Variants in SLC22A23 observed in about 807,000 individuals in gnomAD.
SLC22A23 encodes solute carrier family 22 member 23, also known as ion transporter protein.
Under a neutral mutation model 61.0 loss-of-function variants are expected in SLC22A23, and 26 were observed. That is an observed-to-expected ratio of 0.43 (90% CI 0.31 to 0.59). SLC22A23 has a LOEUF of 0.59. Among genes scored for constraint, SLC22A23 ranks in the 20% least tolerant of loss-of-function variants. The pLI, the probability that SLC22A23 is intolerant of heterozygous loss-of-function variation, is 0.11. For missense variants in SLC22A23, 796 were observed against 934.7 expected (o/e 0.85, Z 1.94); for synonymous variants, 430 against 413.9 (o/e 1.04, Z -0.47).
chr6:3,314,966 C>T (rs1189969200), intron 4 of SLC22A23, among the ~76,000 whole-genome samples: 1 of 152,160 alleles, frequency 6.6e-6, no homozygotes, highest in Non-Finnish European at 1.5e-5. Context: ...TGCTTATTAT[C>T]GTCTTATTGC....
intron 3 of SLC22A23, among the ~76,000 whole-genome samples, chr6:3,350,436 T>A (rs1460515305): frequency 6.6e-6 from 1 of 152,362 alleles, no homozygotes; most frequent in African/African-American, 2.4e-5. Flanking sequence ...GTGAAGTTTA[T>A]GTGAAATTGA....
intron 3 of SLC22A23, among the ~76,000 whole-genome samples, chr6:3,381,953 G>A (rs1246892180): frequency 6.6e-6 from 1 of 152,080 alleles, no homozygotes; most frequent in Admixed American, 6.5e-5. Flanking sequence ...TCTGCCCCAG[G>A]CCCATGCTCT....
At chr6:3,452,560 C>T (rs1772200750) in intron 1 of SLC22A23, among the ~76,000 whole-genome samples, 1 of 129,526 alleles carries the variant, frequency 7.7e-6, no homozygotes, top group Non-Finnish European at 1.5e-5. Context: ...GATATCGTAC[C>T]ACTGGACTCC....
intron 4 of SLC22A23, 37 bp from the exon 5 acceptor site, chr6:3,298,255 G>A (rs373918337): frequency 1.7e-4 from 266 of 1,569,866 alleles, no homozygotes; most frequent in Admixed American, 2.7e-4. Context: ...AATGTCTTCC[G>A]ATTCTGCACG....
chr6:3,415,940 C>T, intron 1 of SLC22A23, 85 bp from the exon 2 acceptor site: 1 of 952,812 alleles, frequency 1.0e-6, no homozygotes, highest in Non-Finnish European at 1.6e-6. Context: ...TACAATAACC[C>T]TGCAGGGACC....
chr6:3,381,147 G>A (rs1766926257), intron 3 of SLC22A23, among the ~76,000 whole-genome samples: 1 of 152,128 alleles, frequency 6.6e-6, no homozygotes, highest in African/African-American at 2.4e-5. Context: ...TCCTTCATCA[G>A]AGCCCGAGAA....
In SLC22A23 at chr6:3,327,397, A is replaced by G. The variant is rs924200438; in HGVS notation, c.914-3395T>C. Reference sequence around the variant, plus strand: ...AAATCCTTTTAGTAGATTTTCATTCATGGGCAGCCAGACTCTCCCTGATTA... The same window carrying G: ...AAATCCTTTTAGTAGATTTTCATTCGTGGGCAGCCAGACTCTCCCTGATTA... On this transcript the variant is annotated intron_variant, in intron 3 of 9. Coordinates refer to ENST00000406686, the MANE Select transcript of SLC22A23 (RefSeq NM_015482.2). The surrounding 1 kb of genome is among the most constrained non-coding windows in gnomAD (Gnocchi z 4.1). 6.6e-6 allele frequency among the ~76,000 whole-genome samples: 1 copy of G among 152,258 alleles called. No individual in the cohort carries two copies. Among genetic ancestry groups the G allele is most frequent in the Non-Finnish European group, 1.5e-5 (1 of 68,040 alleles).
chr6:3,446,060 G>A (rs2127555631), intron 1 of SLC22A23, among the ~76,000 whole-genome samples: 1 of 152,304 alleles, frequency 6.6e-6, no homozygotes, highest in Non-Finnish European at 1.5e-5. Context: ...GAGGTGTTCT[G>A]CGGAAGTCCA....
intron 3 of SLC22A23, among the ~76,000 whole-genome samples, chr6:3,383,457 T>C (rs190057644): frequency 6.3e-4 from 96 of 152,310 alleles, no homozygotes; most frequent in Non-Finnish European, 1.1e-3. Context: ...ATATATCTTA[T>C]TAGTATTTTT....
At chr6:3,296,162 G>C (rs368912981) in intron 5 of SLC22A23, among the ~76,000 whole-genome samples, 13 of 152,220 alleles carry the variant, frequency 8.5e-5, no homozygotes, top group African/African-American at 2.9e-4. Context: ...CTGCTAACGA[G>C]TGAGGTCTGG....
At chr6:3,298,264 C>T (rs368370815) in intron 4 of SLC22A23, 46 bp from the exon 5 acceptor site, 67 of 1,562,258 alleles carry the variant, frequency 4.3e-5, no homozygotes, top group Non-Finnish European at 5.6e-5. Context: ...CGATTCTGCA[C>T]GGCACCGGGA....
chr6:3,325,945 T>C (rs1278850510), intron 3 of SLC22A23, among the ~76,000 whole-genome samples: 1 of 152,266 alleles, frequency 6.6e-6, no homozygotes, highest in Non-Finnish European at 1.5e-5. Context: ...TATTGCTTGC[T>C]GTTTTTCTCT....
Position 3,354,292 on chromosome 6 carries a change from A to G in SLC22A23, c.914-30290T>C, listed in dbSNP as rs555712882. Among the ~76,000 whole-genome samples the G allele has an allele frequency of 2.0e-5, 3 of 152,296 alleles. No individual in the cohort carries two copies. The East Asian group carries it at 5.8e-4, about 29-fold the overall frequency. On this transcript the variant is annotated intron_variant, in intron 3 of 9. Coordinates refer to ENST00000406686, the MANE Select transcript of SLC22A23 (RefSeq NM_015482.2). Reference sequence around the variant, plus strand: ...CCCTTCAAAGGTAAATTCAACAGGAAGTGCACATTTACGGAGGAGCAAGTG... The same window carrying G: ...CCCTTCAAAGGTAAATTCAACAGGAGGTGCACATTTACGGAGGAGCAAGTG...
intron 1 of SLC22A23, among the ~76,000 whole-genome samples, chr6:3,434,878 A>T (rs4959832): frequency 6.6e-6 from 1 of 151,642 alleles, no homozygotes; most frequent in Non-Finnish European, 1.5e-5. Context: ...GAGATGTGAA[A>T]GTTTCCCACA....
intron 3 of SLC22A23, chr6:3,377,795 C>T (rs993925988): frequency 6.6e-6 from 1 of 152,460 alleles, no homozygotes; most frequent in African/African-American, 2.4e-5. Flanking sequence ...ATGACACTAG[C>T]ACAGTGGCCC....
chr6:3,287,844 C>G (rs1020238463), intron 6 of SLC22A23, among the ~76,000 whole-genome samples: 1 of 152,170 alleles, frequency 6.6e-6, no homozygotes, highest in East Asian at 1.9e-4. Context: ...CCACCATGCC[C>G]AGCTAATTTT....
In SLC22A23 at chr6:3,410,285, C is replaced by T. The variant is rs776813935; in HGVS notation, c.816G>A (p.Leu272=). 2.5e-6 allele frequency: 4 copies of T among 1,613,878 alleles called. No homozygotes were observed. In the Admixed American group the frequency reaches 6.7e-5, roughly 27 times the overall value. ...TCACATTCACTGACAGTGCCACAGT[C>T]AGTCCAAAGATCAGAATGAAGATGA... ...FSIIFILIFG[L]TVALSVNVTM... is the part of the protein sequence containing the mutation. The change falls in exon 3 of 10, where the codon CTG becomes CTA. Residue 272 remains leucine, a synonymous_variant. Transcript: ENST00000406686. This position sits in a 1 kb window ranked among gnomAD's most constrained non-coding sequence, Gnocchi z 5.0.
chr6:3,325,679 T>C (rs759078368), intron 3 of SLC22A23, among the ~76,000 whole-genome samples: 50 of 152,164 alleles, frequency 3.3e-4, no homozygotes, highest in Non-Finnish European at 2.6e-4. Flanking sequence ...TAAAGAAAAA[T>C]AGGTCTTTTA....
At chr6:3,452,502 G>A (rs943106209) in intron 1 of SLC22A23, among the ~76,000 whole-genome samples, 2 of 150,708 alleles carry the variant, frequency 1.3e-5, no homozygotes, top group African/African-American at 2.4e-5. Context: ...AGGAGGCTGA[G>A]GCAGAAAGAT....
Sources: allele counts gnomAD v4.1 joint callset (sites outside exome capture counted in the v4.1 genomes callset), GRCh38; gene constraint gnomAD v4.1.1; non-coding constraint Gnocchi (gnomAD v3.1); transcripts MANE v1.5; gene names NCBI Gene and HGNC (gene_info 2026-07-23, HGNC 2026-07-21).